Variants in STX18 observed in about 807,000 individuals in gnomAD.
STX18 encodes syntaxin 18.
A neutral mutation model predicts 50.1 loss-of-function variants in STX18; 40 were observed. The observed-to-expected ratio is 0.80, with a 90% confidence interval of 0.62 to 1.04. STX18 has a LOEUF of 1.04. Among genes scored for constraint, STX18 ranks in the 50% least tolerant of loss-of-function variants. The probability of loss-of-function intolerance (pLI) is 0.00; values close to 1 mark genes in which losing one functional copy is unlikely to be tolerated. For synonymous variants in STX18, 158 were observed against 151.8 expected (o/e 1.04, Z -0.30); for missense variants, 410 against 415.8 (o/e 0.99, Z 0.12).
chr4:4,428,320 C>A (rs569691283), intron 7 of STX18, among the ~76,000 whole-genome samples: 4 of 152,204 alleles, frequency 2.6e-5, no homozygotes, highest in Non-Finnish European at 5.9e-5. Context: ...TTCTGCCTGA[C>A]CCTGAGGATG....
At chr4:4,421,857 G>T (rs1054160819) in intron 9 of STX18, among the ~76,000 whole-genome samples, 1 of 152,152 alleles carries the variant, frequency 6.6e-6, no homozygotes, top group South Asian at 2.1e-4. Flanking sequence ...TACAGAAAAC[G>T]TTTACTCCAA....
chr4:4,420,921 G>C lies in STX18; in HGVS notation c.855C>G (p.His285Gln). ...TTTCAGTTGCCCCCACAACTAACTG[G>C]TGAATGCTGTCAATCTCAGCTTCCT... ...LQQEAEIDSI[H>Q]QLVVGATENI... The change falls in exon 10 of 11, where the codon CAC (histidine) becomes CAG (glutamine). Residue 285 changes from histidine (H) to glutamine (Q), a missense_variant. By Grantham distance (24) the His-to-Gln change is conservative. Coordinates refer to ENST00000306200, the MANE Select transcript of STX18 (RefSeq NM_016930.4). This position sits in a 1 kb window ranked among gnomAD's most constrained non-coding sequence, Gnocchi z 4.3. 1 of 1,614,144 alleles carries C rather than the reference G, an allele frequency of 6.2e-7. No homozygotes were observed. The highest frequency in any genetic ancestry group is 1.1e-5 in the South Asian group (1 of 91,072).
intron 5 of STX18, among the ~76,000 whole-genome samples, chr4:4,452,276 T>C (rs929229791): frequency 1.3e-5 from 2 of 152,240 alleles, no homozygotes; most frequent in Non-Finnish European, 2.9e-5. Context: ...CAAGGTGAAT[T>C]AGCAAGTGCT....
chr4:4,503,458 T>C (rs1339235523), intron 1 of STX18, among the ~76,000 whole-genome samples: 1 of 152,108 alleles, frequency 6.6e-6, no homozygotes, highest in Non-Finnish European at 1.5e-5. Flanking sequence ...GAACTCAACA[T>C]ACAACACTTA....
At chr4:4,501,326 C>T (rs754968424) in intron 1 of STX18, among the ~76,000 whole-genome samples, 3 of 152,272 alleles carry the variant, frequency 2.0e-5, no homozygotes, top group East Asian at 1.9e-4. Flanking sequence ...CTCACAGCAC[C>T]CCTCCCAGCC....
At chr4:4,497,734 T>C (rs1375968837) in intron 1 of STX18, among the ~76,000 whole-genome samples, 1 of 152,232 alleles carries the variant, frequency 6.6e-6, no homozygotes, top group East Asian at 1.9e-4. Flanking sequence ...ACTGTCCATA[T>C]TGCCTACCAT....
At chr4:4,538,733 C>T (rs1404370938) in intron 1 of STX18, among the ~76,000 whole-genome samples, 1 of 152,022 alleles carries the variant, frequency 6.6e-6, no homozygotes, top group Non-Finnish European at 1.5e-5. Flanking sequence ...GTCAGACTTG[C>T]CCAAGTTCAC....
At chr4:4,460,106 C>A (rs1248721288) in intron 2 of STX18, among the ~76,000 whole-genome samples, 2 of 152,154 alleles carry the variant, frequency 1.3e-5, no homozygotes, top group African/African-American at 4.8e-5. Context: ...CGTAAAGATA[C>A]TTACCCCACT....
intron 1 of STX18, 48 bp downstream of exon 1, chr4:4,541,749 C>CA: frequency 6.4e-7 from 1 of 1,562,502 alleles, no homozygotes; most frequent in Non-Finnish European, 8.7e-7. Flanking sequence ...GTCCCTGTCG[C>CA]AGGACTGCCC....
At chr4:4,489,851 A>G (rs550689562) in intron 1 of STX18, among the ~76,000 whole-genome samples, 1 of 152,314 alleles carries the variant, frequency 6.6e-6, no homozygotes, top group South Asian at 2.1e-4. Context: ...TTGAGACTCA[A>G]ATTATATCTT....
intron 1 of STX18, among the ~76,000 whole-genome samples, chr4:4,481,907 C>T (rs961848068): frequency 3.3e-5 from 5 of 152,152 alleles, no homozygotes; most frequent in East Asian, 1.9e-4. Flanking sequence ...GTTCCTTTCT[C>T]GCTTTCTTCT....
chr4:4,522,548 T>C (rs1730554797), intron 1 of STX18, among the ~76,000 whole-genome samples: 1 of 152,172 alleles, frequency 6.6e-6, no homozygotes, highest in African/African-American at 2.4e-5. Context: ...ATGAGAAAAC[T>C]AGCCTGATTA....
At chr4:4,458,432 T>C (rs113051214) in intron 3 of STX18, among the ~76,000 whole-genome samples, 32 of 152,354 alleles carry the variant, frequency 2.1e-4, no homozygotes, top group Middle Eastern at 3.4e-3. Flanking sequence ...TACATTTTTC[T>C]GGCAAGAATG....
chr4:4,499,651 G>T, intron 1 of STX18: 1 of 427,824 alleles, frequency 2.3e-6, no homozygotes, highest in Non-Finnish European at 3.1e-6. Flanking sequence ...ACCTGAACCA[G>T]GTGAGAACAG....
chr4:4,517,821 G>A (rs1730347616), intron 1 of STX18, among the ~76,000 whole-genome samples: 1 of 150,056 alleles, frequency 6.7e-6, no homozygotes, highest in Non-Finnish European at 1.5e-5. Context: ...CTGTTGCCCA[G>A]GCTGGAGTGT....
intron 5 of STX18, among the ~76,000 whole-genome samples, chr4:4,441,679 A>C (rs1726114389): frequency 6.6e-6 from 1 of 152,230 alleles, no homozygotes; most frequent in Non-Finnish European, 1.5e-5. Context: ...GTTCTCCCTA[A>C]GTTAATTTAT....
intron 1 of STX18, among the ~76,000 whole-genome samples, chr4:4,492,215 T>C (rs1033368659): frequency 6.6e-6 from 1 of 152,072 alleles, no homozygotes; most frequent in African/African-American, 2.4e-5. Context: ...TAGAAAAAAA[T>C]TGCATAAAAT....
At chr4:4,465,565 T>C (rs1162039753) in intron 2 of STX18, among the ~76,000 whole-genome samples, 1 of 152,104 alleles carries the variant, frequency 6.6e-6, no homozygotes, top group African/African-American at 2.4e-5. Flanking sequence ...TGGGAACGCA[T>C]GGACATGAGG....
intron 9 of STX18, among the ~76,000 whole-genome samples, 189 bp downstream of exon 9, chr4:4,423,329 C>A (rs955718807): frequency 6.6e-6 from 1 of 152,344 alleles, no homozygotes; most frequent in South Asian, 2.1e-4. Flanking sequence ...CTCCATCACA[C>A]GTGTGCAGAG....
Sources: allele counts gnomAD v4.1 joint callset (sites outside exome capture counted in the v4.1 genomes callset), GRCh38; gene constraint gnomAD v4.1.1; non-coding constraint Gnocchi (gnomAD v3.1); transcripts MANE v1.5; gene names NCBI Gene and HGNC (gene_info 2026-07-23, HGNC 2026-07-21).